ECT2L: variants seen among roughly 807,000 people sequenced by gnomAD.
ECT2L encodes epithelial cell-transforming sequence 2 oncogene-like.
A neutral mutation model predicts 122.8 loss-of-function variants in ECT2L; 126 were observed. That is an observed-to-expected ratio of 1.03 (90% confidence interval 0.89 to 1.19). ECT2L has a LOEUF of 1.19. Among genes scored for constraint, ECT2L ranks in the 50% most tolerant of loss-of-function variants. ECT2L has a pLI of 0.00. For missense variants in ECT2L, 1,012 were observed against 1,064.1 expected (o/e 0.95, Z 0.68); for synonymous variants, 385 against 381.8 (o/e 1.01, Z -0.10).
rs566666771 is a variant in ECT2L at position 138,878,296 on chromosome 6, C to CATAT, written c.1665+1746_1665+1749dup. Among the ~76,000 whole-genome samples, 101 of 115,480 alleles carry CATAT rather than the reference C, an allele frequency of 8.7e-4. 1 individual carries two copies. Among genetic ancestry groups the CATAT allele is most frequent in the Non-Finnish European group, 1.6e-3 (82 of 52,482 alleles). The allele number at this position is 115,480 out of a possible 152,430, so 75.8% of individuals were successfully genotyped here. ...AACAAGGTATGCAAGGATTTAGATA[C>CATAT]ATATATATATACACACACACACACA... On this transcript the variant is annotated intron_variant, in intron 14 of 21. Transcript: ENST00000541398.
At chr6:138,797,515 A>G (rs1201532566) in intron 1 of ECT2L, among the ~76,000 whole-genome samples, 1 of 152,186 alleles carries the variant, frequency 6.6e-6, no homozygotes, top group Non-Finnish European at 1.5e-5. Flanking sequence ...ATAACAGATA[A>G]CCTGTGGAAA....
At chr6:138,877,146 G>A (rs1778479567) in intron 14 of ECT2L, among the ~76,000 whole-genome samples, 1 of 152,116 alleles carries the variant, frequency 6.6e-6, no homozygotes, top group Non-Finnish European at 1.5e-5. Context: ...CTAGAGTTAA[G>A]AAAAGTTACA....
intron 4 of ECT2L, 34 bp from the exon 5 acceptor site, chr6:138,838,318 T>A: frequency 6.5e-7 from 1 of 1,542,206 alleles, no homozygotes; most frequent in Non-Finnish European, 8.7e-7. Flanking sequence ...TTTTAGACAT[T>A]AGTGTTCTAA....
rs529447119 is a variant in ECT2L, at chr6:138,865,167, G to T, written c.1463G>T (p.Gly488Val). 4 of 1,610,332 alleles carry T rather than the reference G, an allele frequency of 2.5e-6. No individual in the cohort carries two copies. In the African/African-American group the frequency reaches 4.0e-5, roughly 16 times the overall value. Residue 488 changes from glycine to valine, a missense_variant, in exon 12 of 22, where the codon GGC becomes GTC. Gly to Val is a moderately radical substitution (Grantham distance 109). Transcript: ENST00000541398. The stretch of plus-strand genomic sequence containing the variant: ...AAGGAACTGCAGAAGAGCATCAGTG[G>T]CAGGATGATAGGTAAGCAGTCTTGC... ...FFKELQKSIS[G>V]RMIGQFMFDT...
intron 4 of ECT2L, among the ~76,000 whole-genome samples, chr6:138,827,678 C>T (rs906535025): frequency 1.3e-5 from 2 of 152,078 alleles, no homozygotes; most frequent in Non-Finnish European, 2.9e-5. Flanking sequence ...TGCCTCTGAG[C>T]CTCCCAAGTA....
Position 138,814,541 on chromosome 6 carries a change from T to G in ECT2L, c.117T>G (p.Thr39=). 1 of 1,613,032 alleles carries G rather than the reference T, an allele frequency of 6.2e-7. No homozygotes were observed. Residue 39 remains threonine, a synonymous_variant, in exon 4 of 22, where the codon ACT becomes ACG. Coordinates refer to ENST00000541398, the MANE Select transcript of ECT2L (RefSeq NM_001077706.3). The part of the protein sequence containing the change: ...ALISHWFDLW[T]NKQRQEFLFA... ...TAAGTCATTGGTTTGACCTCTGGAC[T>G]AACAAGCAACGTCAAGAATTCTTAT...
chr6:138,828,421 G>A (rs1776532484), intron 4 of ECT2L, among the ~76,000 whole-genome samples: 1 of 152,050 alleles, frequency 6.6e-6, no homozygotes, highest in African/African-American at 2.4e-5. Context: ...GTAACCTTCT[G>A]CCTCCCCTTT....
intron 7 of ECT2L, 80 bp from the exon 8 acceptor site, chr6:138,846,459 C>T: frequency 1.5e-6 from 2 of 1,376,240 alleles, no homozygotes; most frequent in South Asian, 1.6e-5. Flanking sequence ...GAGCTGATGC[C>T]CAGAGACATA....
Position 138,893,318 on chromosome 6 carries a change from T to G in ECT2L, c.2414+4287T>G, listed in dbSNP as rs192029106. Among the ~76,000 whole-genome samples, 41 of 152,066 alleles carry G rather than the reference T, an allele frequency of 2.7e-4. 1 individual carries two copies. The highest frequency in any genetic ancestry group is 3.8e-4 in the Non-Finnish European group (26 of 67,984). Reference sequence around the variant, plus strand: ...CAGTTGGTTAGGTTCTAGTACAAGTTTCCCTTGAGGTCAGGCCTTTGTTAA... The same window carrying G: ...CAGTTGGTTAGGTTCTAGTACAAGTGTCCCTTGAGGTCAGGCCTTTGTTAA... On this transcript the variant is annotated intron_variant, in intron 20 of 21. Coordinates refer to ENST00000541398, the MANE Select transcript of ECT2L (RefSeq NM_001077706.3).
rs1778625969 is a variant in ECT2L, at chr6:138,881,009, A to G, written c.1718A>G (p.Glu573Gly). ...SAEKRARVVRELLQSERKYVQ... is the reference protein window; with the variant it reads ...SAEKRARVVRGLLQSERKYVQ... ...GAAAAGCGAGCTAGAGTTGTCAGAG[A>G]ACTCTTACAGAGTGAGAGAAAATAC... Residue 573 changes from glutamate to glycine, a missense_variant, in exon 15 of 22, where the codon GAA (glutamate) becomes GGA (glycine). Coordinates refer to ENST00000541398, the MANE Select transcript of ECT2L (RefSeq NM_001077706.3). The G allele has an allele frequency of 6.2e-7, 1 of 1,614,062 alleles. No individual in the cohort carries two copies.
At chr6:138,883,859 A>C (rs1778721662) in intron 16 of ECT2L, among the ~76,000 whole-genome samples, 1 of 152,116 alleles carries the variant, frequency 6.6e-6, no homozygotes, top group South Asian at 2.1e-4. Flanking sequence ...AATGTTAGTT[A>C]TTTGGTTGTG....
intron 20 of ECT2L, among the ~76,000 whole-genome samples, chr6:138,900,197 C>A (rs1196199744): frequency 2.6e-5 from 4 of 152,128 alleles, no homozygotes; most frequent in African/African-American, 9.7e-5. Context: ...CCTATTAATA[C>A]ACCTCATGCC....
chr6:138,890,632 GATT>G (rs1778991918), intron 20 of ECT2L, among the ~76,000 whole-genome samples: 1 of 149,094 alleles, frequency 6.7e-6, no homozygotes, highest in African/African-American at 2.5e-5. Flanking sequence ...TCCAGTTTTT[GATT>G]ATTAGATTAT....
chr6:138,841,200 C>T (rs1777027601), intron 5 of ECT2L, among the ~76,000 whole-genome samples: 1 of 152,074 alleles, frequency 6.6e-6, no homozygotes, highest in South Asian at 2.1e-4. Flanking sequence ...CTGATGATTA[C>T]AATATTTGGA....
At chr6:138,857,777 C>G (rs1047277011) in intron 10 of ECT2L, among the ~76,000 whole-genome samples, 7 of 152,122 alleles carry the variant, frequency 4.6e-5, no homozygotes, top group Non-Finnish European at 1.0e-4. Context: ...TTTCCACATA[C>G]GCACTCTCCT....
Position 138,881,135 on chromosome 6 carries a change from T to C in ECT2L, c.1844T>C (p.Ile615Thr), listed in dbSNP as rs1300563101. 1 of 1,613,996 alleles carries C rather than the reference T, an allele frequency of 6.2e-7. No individual in the cohort carries two copies. Among genetic ancestry groups the C allele is most frequent in the East Asian group, 2.2e-5 (1 of 44,888 alleles). ...AILSAANIQI[I>T]FCDILQILSL... Reference sequence around the variant, plus strand: ...CTGAGTGCTGCCAATATCCAGATCATTTTCTGTGACATTCTACAGATTTTA... The same window carrying C: ...CTGAGTGCTGCCAATATCCAGATCACTTTCTGTGACATTCTACAGATTTTA... Residue 615 changes from isoleucine (I) to threonine (T), a missense_variant, in exon 15 of 22, where the codon ATT becomes ACT. Ile to Thr is a moderately conservative substitution (Grantham distance 89). Transcript: ENST00000541398.
At position 138,840,121 on chromosome 6, in the gene ECT2L, G is replaced by A. The variant is rs555114225; in HGVS notation, c.342+1607G>A. On this transcript the variant is annotated intron_variant, in intron 5 of 21. Coordinates refer to ENST00000541398, the MANE Select transcript of ECT2L (RefSeq NM_001077706.3). ...AAGAGATTGTTATTTAAAAATTCACGAGGAAACATATTTACTATTAAGTGG... is the reference window on the plus strand; with the variant it reads ...AAGAGATTGTTATTTAAAAATTCACAAGGAAACATATTTACTATTAAGTGG... 2.8e-4 allele frequency among the ~76,000 whole-genome samples: 42 copies of A among 152,142 alleles called. No homozygotes were observed. The South Asian group carries it at 6.2e-3, about 23-fold the overall frequency.
intron 4 of ECT2L, among the ~76,000 whole-genome samples, chr6:138,815,376 G>A (rs1188039400): frequency 1.3e-5 from 2 of 152,218 alleles, no homozygotes; most frequent in Non-Finnish European, 2.9e-5. Context: ...GATATGTGTG[G>A]ACTGACCGAA....
intron 14 of ECT2L, 125 bp downstream of exon 14, chr6:138,876,683 C>A (rs1778464804): frequency 1.1e-5 from 6 of 567,932 alleles, no homozygotes; most frequent in Non-Finnish European, 1.8e-5. Context: ...AAAAAAAAAA[C>A]CTCAAAAATT....
Sources: gnomAD v4.1 joint callset for allele counts (sites outside exome capture counted in the v4.1 genomes callset) on GRCh38, gnomAD v4.1.1 for gene constraint, MANE v1.5 for transcripts, NCBI Gene and HGNC (gene_info 2026-07-23, HGNC 2026-07-21) for gene names.